The following ZNF503 variants were observed in gnomAD, a reference collection of about 807,000 sequenced individuals.
ZNF503 encodes NocA-like zinc finger 2.
In ZNF503, 15 loss-of-function variants were observed where a neutral mutation model predicts 34.4. The ratio of observed to expected loss-of-function variants is 0.44; its 90% CI spans 0.29 to 0.67. The LOEUF is 0.67. Among genes scored for constraint, ZNF503 ranks in the 30% least tolerant of loss-of-function variants. The probability of loss-of-function intolerance (pLI) is 0.13; values close to 1 mark genes in which losing one functional copy is unlikely to be tolerated. For missense variants in ZNF503, 1,007 were observed against 926.8 expected (o/e 1.09, Z -1.12); for synonymous variants, 580 against 456.8 (o/e 1.27, Z -3.44).
At chr10:75,318,869 TCCTTCCTC>T in the ZNF503 span, among the ~76,000 whole-genome samples, 2 of 151,570 alleles carry the variant, frequency 1.3e-5, no homozygotes, top group East Asian at 3.9e-4. Context: ...TTCCCTTCCT[TCCTTCCTC>T]CCTTTCTTCC....
At chr10:75,335,214 A>G in the ZNF503 span, among the ~76,000 whole-genome samples, 1 of 151,962 alleles carries the variant, frequency 6.6e-6, no homozygotes, top group Non-Finnish European at 1.5e-5. Context: ...GTGTGTGTGT[A>G]TGTGTGTAAA....
the ZNF503 span, among the ~76,000 whole-genome samples, chr10:75,340,792 G>A: frequency 2.5e-4 from 38 of 152,210 alleles, 2 homozygotes; most frequent in South Asian, 7.7e-3. Context: ...TAGTAGAGAT[G>A]TGGTTTCACC....
chr10:75,328,936 G>A, the ZNF503 span, among the ~76,000 whole-genome samples: 15 of 151,840 alleles, frequency 9.9e-5, no homozygotes, highest in African/African-American at 2.9e-4. Context: ...TAGTAGAAAC[G>A]GGATTTCACC....
At chr10:75,391,562 C>T in the ZNF503 span, among the ~76,000 whole-genome samples, 1 of 152,196 alleles carries the variant, frequency 6.6e-6, no homozygotes, top group East Asian at 1.9e-4. Flanking sequence ...TCAGCAAATG[C>T]TATTTCCAGC....
the ZNF503 span, among the ~76,000 whole-genome samples, chr10:75,371,261 A>G: frequency 0.03 from 4,627 of 152,248 alleles, 241 homozygotes; most frequent in African/African-American, 0.11. Context: ...TAAGATGTGG[A>G]TCAAGAAAGG....
At chr10:75,327,316 C>T in the ZNF503 span, among the ~76,000 whole-genome samples, 10 of 139,400 alleles carry the variant, frequency 7.2e-5, no homozygotes, top group Admixed American at 2.3e-4. Context: ...GTGAAATCAA[C>T]CCTTTTAGAT....
At chr10:75,396,252 C>T (rs985576800), downstream of ZNF503, among the ~76,000 whole-genome samples, 11 of 152,184 alleles carry the variant, frequency 7.2e-5, no homozygotes, top group East Asian at 9.7e-4. The surrounding 1 kb of genome is among the most constrained non-coding windows in gnomAD (Gnocchi z 4.4). Context: ...AGAGTGGGAC[C>T]GGGGCCGCGG....
At chr10:75,382,820 G>T in the ZNF503 span, 1 of 276,978 alleles carries the variant, frequency 3.6e-6, no homozygotes, top group South Asian at 5.1e-5. Flanking sequence ...ATTCAGTAGT[G>T]GGTATTGGAG....
chr10:75,394,313 G>T (rs532058955), downstream of ZNF503, among the ~76,000 whole-genome samples: 4 of 152,340 alleles, frequency 2.6e-5, 1 homozygote, highest in African/African-American at 9.6e-5. Flanking sequence ...GTGTAAGTGG[G>T]ATGATACAGG....
Position 75,401,180 on chromosome 10 carries a change from C to G in ZNF503, c.240G>C (p.Leu80=). The G allele has an allele frequency of 2.5e-6, 4 of 1,610,520 alleles. No homozygotes were observed. Among genetic ancestry groups the G allele is most frequent in the Non-Finnish European group, 3.4e-6 (4 of 1,178,072 alleles). ...GCAAAATGTGGCCAGTTCGTGCCGT[C>G]AGCATCTTCAGCACCTTGATTGGCA... The part of the protein sequence containing the change: ...NRLPIKVLKM[L]TARTGHILHP... Residue 80 remains leucine, a synonymous_variant, in exon 1 of 2, where the codon CTG becomes CTC. Coordinates refer to ENST00000372524, the MANE Select transcript of ZNF503 (RefSeq NM_032772.6).
At chr10:75,307,647 T>C in the ZNF503 span, among the ~76,000 whole-genome samples, 1 of 152,224 alleles carries the variant, frequency 6.6e-6, no homozygotes, top group African/African-American at 2.4e-5. Flanking sequence ...AGGACTTTCA[T>C]AGATAGAGAA....
chr10:75,314,445 G>T, the ZNF503 span, among the ~76,000 whole-genome samples: 1 of 152,084 alleles, frequency 6.6e-6, no homozygotes, highest in Non-Finnish European at 1.5e-5. Context: ...TGATCAAGCA[G>T]CATAAATAAA....
At chr10:75,307,816 T>C in the ZNF503 span, among the ~76,000 whole-genome samples, 5 of 152,168 alleles carry the variant, frequency 3.3e-5, no homozygotes, top group Admixed American at 1.3e-4. Context: ...GGTGGGACCA[T>C]GCCTATAATC....
At chr10:75,324,329 T>TG in the ZNF503 span, among the ~76,000 whole-genome samples, 1 of 35,392 alleles carries the variant, frequency 2.8e-5, no homozygotes, top group Non-Finnish European at 7.6e-5. Flanking sequence ...TGTTTTTCTG[T>TG]TTTTTTTTTG....
the ZNF503 span, among the ~76,000 whole-genome samples, chr10:75,389,995 C>G: frequency 3.3e-5 from 5 of 152,200 alleles, no homozygotes; most frequent in East Asian, 9.7e-4. Context: ...CGGGTTCGCG[C>G]CATTCTCTCA....
the ZNF503 span, chr10:75,382,833 T>A: frequency 3.7e-6 from 1 of 271,944 alleles, no homozygotes. Flanking sequence ...TATTGGAGAA[T>A]GGAATCGACA....
the ZNF503 span, among the ~76,000 whole-genome samples, chr10:75,389,924 G>A: frequency 1.2e-4 from 18 of 152,112 alleles, no homozygotes; most frequent in East Asian, 2.3e-3. Context: ...ATGGAGTCTC[G>A]CTCTGTTGCC....
the ZNF503 span, among the ~76,000 whole-genome samples, chr10:75,368,865 T>C: frequency 9.2e-5 from 14 of 152,248 alleles, no homozygotes; most frequent in African/African-American, 3.4e-4. Flanking sequence ...TTATTCTCCA[T>C]ACAAAGTGAT....
At chr10:75,293,298 T>G in the ZNF503 span, among the ~76,000 whole-genome samples, 1 of 151,736 alleles carries the variant, frequency 6.6e-6, no homozygotes, top group Non-Finnish European at 1.5e-5. Context: ...GGGCCAGGGG[T>G]CATAGGACAT....
Sources: allele counts gnomAD v4.1 joint callset (sites outside exome capture counted in the v4.1 genomes callset), GRCh38; gene constraint gnomAD v4.1.1; non-coding constraint Gnocchi (gnomAD v3.1); transcripts MANE v1.5; gene names NCBI Gene and HGNC (gene_info 2026-07-23, HGNC 2026-07-21).